CHST12: variants seen among roughly 807,000 people sequenced by gnomAD.
CHST12 encodes carbohydrate sulfotransferase 12, also known as carbohydrate (chondroitin 4) sulfotransferase 12.
Under a neutral mutation model 27.9 loss-of-function variants are expected in CHST12, and 23 were observed. The ratio of observed to expected loss-of-function variants is 0.82; its 90% CI spans 0.59 to 1.17. The LOEUF is 1.17. Among genes scored for constraint, CHST12 ranks in the 50% most tolerant of loss-of-function variants. The pLI, the probability that CHST12 is intolerant of heterozygous loss-of-function variation, is 0.00. For missense variants in CHST12, 682 were observed against 603.0 expected (o/e 1.13, Z -1.37); for synonymous variants, 322 against 273.0 (o/e 1.18, Z -1.77).
intron 1 of CHST12, among the ~76,000 whole-genome samples, chr7:2,424,493 G>A (rs1353961696): frequency 6.6e-6 from 1 of 152,186 alleles, no homozygotes; most frequent in African/African-American, 2.4e-5. Flanking sequence ...CAGTGCGTGA[G>A]AGGCAGATAG....
intron 1 of CHST12, among the ~76,000 whole-genome samples, chr7:2,406,352 T>C (rs930831458): frequency 2.1e-5 from 3 of 142,946 alleles, no homozygotes; most frequent in Non-Finnish European, 4.5e-5. Flanking sequence ...GGGAGACAGG[T>C]ACAGTTGAGT....
Position 2,448,112 on chromosome 7 carries a change from CCCT to C in CHST12, c.*14233_*14235del, listed in dbSNP as rs1467201148. ...CGAACTCCTGGTCTCAAGTGATCCG[CCCT>C]CCTCGGCCTTCCAAAATGCTAGGAT... On this transcript the variant is annotated 3_prime_UTR_variant, in exon 2 of 2. Transcript: ENST00000618655. 2.6e-5 allele frequency: 4 copies of C among 152,216 alleles called. No individual in the cohort carries two copies. The highest frequency in any genetic ancestry group is 7.2e-5 in the African/African-American group (3 of 41,452). The allele number at this position is 152,216 out of a possible 1,614,324, so 9.4% of individuals were successfully genotyped here.
intron 1 of CHST12, among the ~76,000 whole-genome samples, chr7:2,408,387 A>G: frequency 7.5e-6 from 1 of 134,174 alleles, no homozygotes; most frequent in South Asian, 2.3e-4. Context: ...AAAAAAAAAA[A>G]AAAGATCCTT....
At chr7:2,424,980 C>T (rs573783968) in intron 1 of CHST12, among the ~76,000 whole-genome samples, 3 of 152,146 alleles carry the variant, frequency 2.0e-5, no homozygotes, top group Admixed American at 6.5e-5. Context: ...CCGAGGTGGG[C>T]AGATCACTTG....
At position 2,440,262 on chromosome 7, in the gene CHST12, C is replaced by T. The variant is rs565535120; in HGVS notation, c.*6378C>T. 4.5e-5 allele frequency: 7 copies of T among 154,506 alleles called. No individual in the cohort carries two copies. The highest frequency in any genetic ancestry group is 1.4e-4 in the African/African-American group (6 of 41,640). 9.6% of individuals were successfully genotyped at this position (154,506 alleles called of 1,614,324 possible). On this transcript the variant is annotated 3_prime_UTR_variant, in exon 2 of 2. Coordinates refer to ENST00000618655, the MANE Select transcript of CHST12 (RefSeq NM_018641.5). The stretch of plus-strand genomic sequence containing the variant: ...GTTGACTTTGACAGTGATAAACGAA[C>T]ACAGCCTATCTGGGTGTTTTTTGCA...
In CHST12 at chr7:2,427,582, C is replaced by G. The variant is rs547866827; in HGVS notation, c.-77-4981C>G. Among the ~76,000 whole-genome samples, 343 of 152,078 alleles carry G rather than the reference C, an allele frequency of 2.3e-3. 3 individuals are homozygous for G. The highest frequency in any genetic ancestry group is 7.9e-3 in the African/African-American group (329 of 41,454). Reference sequence around the variant, plus strand: ...TTGGGCCTTCCATCTGCCACCCCCCCCTACAGAGATGATAGAAAAATGGTA... The same window carrying G: ...TTGGGCCTTCCATCTGCCACCCCCCGCTACAGAGATGATAGAAAAATGGTA... On this transcript the variant is annotated intron_variant, in intron 1 of 1. Coordinates refer to ENST00000618655, the MANE Select transcript of CHST12 (RefSeq NM_018641.5).
intron 1 of CHST12, among the ~76,000 whole-genome samples, chr7:2,416,098 A>G (rs758190198): frequency 6.6e-6 from 1 of 152,240 alleles, no homozygotes. Flanking sequence ...GGAATATTCT[A>G]AATCTTTTCT....
chr7:2,403,488 G>A (rs2115369752), upstream of CHST12: 1 of 152,050 alleles, frequency 6.6e-6, no homozygotes, highest in Non-Finnish European at 1.5e-5. Context: ...CGCGCTGAGG[G>A]CGGGCGCCCC....
rs548457398 is a variant in CHST12 at position 2,447,509 on chromosome 7, G to T, written c.*13625G>T. 2.0e-5 allele frequency: 3 copies of T among 152,420 alleles called. No individual in the cohort carries two copies. Among genetic ancestry groups the T allele is most frequent in the African/African-American group, 7.2e-5 (3 of 41,556 alleles). The allele number at this position is 152,420 out of a possible 1,614,324, so 9.4% of individuals were successfully genotyped here. On this transcript the variant is annotated 3_prime_UTR_variant, in exon 2 of 2. Transcript: ENST00000618655. Reference sequence around the variant, plus strand: ...TGTTGTTGAGACAGAGTCTTGCTCTGTCGCCCAGGCTGGAGTGCAGTGGCA... The same window carrying T: ...TGTTGTTGAGACAGAGTCTTGCTCTTTCGCCCAGGCTGGAGTGCAGTGGCA...
chr7:2,434,144 C>G lies in CHST12; in HGVS notation c.*260C>G. On this transcript the variant is annotated 3_prime_UTR_variant, in exon 2 of 2. Transcript: ENST00000618655. ...CGCCCGCTCGCCCGCTCGCCCGCTC[C>G]TGTGGTTTTTCTGAGCGTGCGGGCG... 1 of 300,608 alleles carries G rather than the reference C, an allele frequency of 3.3e-6. No individual in the cohort carries two copies. 18.6% of individuals were successfully genotyped at this position (300,608 alleles called of 1,614,324 possible).
At chr7:2,410,834 C>T (rs1781646045) in intron 1 of CHST12, among the ~76,000 whole-genome samples, 1 of 151,956 alleles carries the variant, frequency 6.6e-6, no homozygotes, top group African/African-American at 2.4e-5. Flanking sequence ...TGGTCACGGG[C>T]CATCAGAAGG....
chr7:2,441,134 C>G lies in CHST12; in HGVS notation c.*7250C>G, dbSNP rs181044837. ...TTGACTCGAGAATTCCCACAGGGCC[C>G]GAGGGAAGAGCAGAGCAAGAGGGAG... On this transcript the variant is annotated 3_prime_UTR_variant, in exon 2 of 2. Transcript: ENST00000618655. The G allele has an allele frequency of 7.2e-5, 11 of 152,360 alleles. No individual in the cohort carries two copies. The highest frequency in any genetic ancestry group is 1.3e-4 in the Non-Finnish European group (9 of 68,256). The allele number at this position is 152,360 out of a possible 1,614,324, so 9.4% of individuals were successfully genotyped here.
Position 2,435,674 on chromosome 7 carries a change from C to G in CHST12, c.*1790C>G, listed in dbSNP as rs1286909876. 1 of 152,378 alleles carries G rather than the reference C, an allele frequency of 6.6e-6. No individual in the cohort carries two copies. Among genetic ancestry groups the G allele is most frequent in the Non-Finnish European group, 1.5e-5 (1 of 68,162 alleles). The allele number at this position is 152,378 out of a possible 1,614,324, so 9.4% of individuals were successfully genotyped here. A position where few individuals can be genotyped will look rare whatever the true frequency, so the allele number is the denominator to read the frequency against. On this transcript the variant is annotated 3_prime_UTR_variant, in exon 2 of 2. Transcript: ENST00000618655. Reference sequence around the variant, plus strand: ...GCTCAGTTGGGACATACCCTGGTGTCCTCTGTGTGTGGTGTCCCTGTGTTT... The same window carrying G: ...GCTCAGTTGGGACATACCCTGGTGTGCTCTGTGTGTGGTGTCCCTGTGTTT...
rs1300429970 is a variant in CHST12, at chr7:2,444,293, A to G, written c.*10409A>G. On this transcript the variant is annotated 3_prime_UTR_variant, in exon 2 of 2. Transcript: ENST00000618655. ...AGCGAGACTCCGTCTCAAAAAAAAAAAAAAAAAAAAAAAAATACAAAAATT... is the reference window on the plus strand; with the variant it reads ...AGCGAGACTCCGTCTCAAAAAAAAAGAAAAAAAAAAAAAAATACAAAAATT... The G allele has an allele frequency of 6.7e-6, 1 of 150,288 alleles. No individual in the cohort carries two copies. The highest frequency in any genetic ancestry group is 2.4e-5 in the African/African-American group (1 of 40,962). 9.3% of individuals were successfully genotyped at this position (150,288 alleles called of 1,614,324 possible).
Position 2,446,591 on chromosome 7 carries a change from A to C in CHST12, c.*12707A>C, listed in dbSNP as rs1347321445. On this transcript the variant is annotated 3_prime_UTR_variant, in exon 2 of 2. Transcript: ENST00000618655. ...GGCTTCCCGTTCCTTACCTGCCATGAGAATGAGATGTCCAGGGACCTCCCT... is the reference window on the plus strand; with the variant it reads ...GGCTTCCCGTTCCTTACCTGCCATGCGAATGAGATGTCCAGGGACCTCCCT... The C allele has an allele frequency of 1.3e-5, 2 of 152,896 alleles. No individual in the cohort carries two copies. The highest frequency in any genetic ancestry group is 2.9e-5 in the Non-Finnish European group (2 of 68,194). 9.5% of individuals were successfully genotyped at this position (152,896 alleles called of 1,614,324 possible).
Position 2,433,285 on chromosome 7 carries a change from T to A in CHST12, c.646T>A (p.Phe216Ile). The A allele has an allele frequency of 1.2e-6, 2 of 1,612,040 alleles. No individual in the cohort carries two copies. Among genetic ancestry groups the A allele is most frequent in the Non-Finnish European group, 1.7e-6 (2 of 1,178,910 alleles). ...HVHNASAHLT[F>I]NKFWRRYGKL... ...GCACAACGCCAGCGCGCACCTGACC[T>A]TCAACAAGTTCTGGCGCCGCTACGG... Residue 216 changes from phenylalanine to isoleucine, a missense_variant, in exon 2 of 2, where the codon TTC becomes ATC. Phe to Ile is a conservative substitution (Grantham distance 21, BLOSUM62 0). Coordinates refer to ENST00000618655, the MANE Select transcript of CHST12 (RefSeq NM_018641.5). The surrounding 1 kb of genome is among the most constrained non-coding windows in gnomAD (Gnocchi z 6.1).
chr7:2,439,438 G>C lies in CHST12; in HGVS notation c.*5554G>C, dbSNP rs1221726323. On this transcript the variant is annotated 3_prime_UTR_variant, in exon 2 of 2. Coordinates refer to ENST00000618655, the MANE Select transcript of CHST12 (RefSeq NM_018641.5). ...TTTGTTCTTTTTTTTTTTTGACAGA[G>C]TTTCTTTCTGTCATCCAGGCTGGAG... 1 of 150,912 alleles carries C rather than the reference G, an allele frequency of 6.6e-6. No homozygotes were observed. The highest frequency in any genetic ancestry group is 1.5e-5 in the Non-Finnish European group (1 of 67,752). 9.3% of individuals were successfully genotyped at this position (150,912 alleles called of 1,614,324 possible).
rs141139719 is a variant in CHST12 at position 2,432,645 on chromosome 7, C to G, written c.6C>G (p.Thr2=). The part of the protein sequence containing the change: M[T]KARLFRLWLV... ...CCCAGCCCGCCCGGGGCAGGATGACCAAGGCCCGGCTGTTCCGGCTGTGGC... is the reference window on the plus strand; with the variant it reads ...CCCAGCCCGCCCGGGGCAGGATGACGAAGGCCCGGCTGTTCCGGCTGTGGC... The change falls in exon 2 of 2, where the codon ACC becomes ACG. Residue 2 remains threonine (T), a synonymous_variant. Transcript: ENST00000618655. 10 of 1,605,770 alleles carry G rather than the reference C, an allele frequency of 6.2e-6. No homozygotes were observed. In the African/African-American group the frequency reaches 8.0e-5, roughly 13 times the overall value.
chr7:2,409,092 T>C (rs908659617), intron 1 of CHST12, among the ~76,000 whole-genome samples: 1 of 152,088 alleles, frequency 6.6e-6, no homozygotes, highest in Admixed American at 6.5e-5. Context: ...GAAAAATAAT[T>C]ATGGTGTACT....
Sources: gnomAD v4.1 joint callset for allele counts (sites outside exome capture counted in the v4.1 genomes callset) on GRCh38, gnomAD v4.1.1 for gene constraint, Gnocchi (gnomAD v3.1) non-coding constraint, MANE v1.5 for transcripts, NCBI Gene and HGNC (gene_info 2026-07-23, HGNC 2026-07-21) for gene names.